Variants in RABGAP1L observed in about 807,000 individuals in gnomAD.
The protein encoded by RABGAP1L is RAB GTPase activating protein 1 like.
Under a neutral mutation model 137.7 loss-of-function variants are expected in RABGAP1L, and 63 were observed. The ratio of observed to expected loss-of-function variants is 0.46; its 90% CI spans 0.37 to 0.56. RABGAP1L has a LOEUF of 0.56. Among genes scored for constraint, RABGAP1L ranks in the 20% least tolerant of loss-of-function variants. The pLI is 0.00. For synonymous variants in RABGAP1L, 431 were observed against 433.7 expected (o/e 0.99, Z 0.08); for missense variants, 1,095 against 1,244.0 (o/e 0.88, Z 1.80).
chr1:174,645,417 T>C (rs1301398449), intron 14 of RABGAP1L, among the ~76,000 whole-genome samples: 1 of 131,660 alleles, frequency 7.6e-6, no homozygotes, highest in Non-Finnish European at 1.6e-5. Flanking sequence ...GGCCCCAGTG[T>C]GTGATGTTCC....
chr1:174,777,604 C>G (rs141672423), intron 18 of RABGAP1L, among the ~76,000 whole-genome samples: 7 of 152,238 alleles, frequency 4.6e-5, no homozygotes, highest in African/African-American at 1.7e-4. Flanking sequence ...TTCGAAATCA[C>G]TCTAGATTTT....
intron 14 of RABGAP1L, 132 bp downstream of exon 14, chr1:174,637,620 T>C (rs1572634625): frequency 4.5e-6 from 3 of 669,138 alleles, no homozygotes. Context: ...GCACACACGC[T>C]ATGAGATCCT....
At chr1:174,790,612 C>T (rs1460451069) in intron 18 of RABGAP1L, among the ~76,000 whole-genome samples, 15 of 134,508 alleles carry the variant, frequency 1.1e-4, no homozygotes, top group African/African-American at 3.3e-4. Context: ...CTAGCCTGGG[C>T]GACAAAAGTG....
intron 13 of RABGAP1L, among the ~76,000 whole-genome samples, chr1:174,408,905 GTGT>G (rs1470988149): frequency 6.6e-6 from 1 of 152,034 alleles, no homozygotes; most frequent in Non-Finnish European, 1.5e-5. Context: ...CTTTTTAATG[GTGT>G]TATTTGTTTT....
chr1:174,223,371 AG>A (rs1411679544), intron 3 of RABGAP1L, among the ~76,000 whole-genome samples: 2 of 138,174 alleles, frequency 1.4e-5, no homozygotes, highest in Non-Finnish European at 3.1e-5. Context: ...TGAACCCAGG[AG>A]GTGGAGGTTG....
At chr1:174,595,780 A>T (rs1669842257) in intron 13 of RABGAP1L, among the ~76,000 whole-genome samples, 1 of 68,010 alleles carries the variant, frequency 1.5e-5, no homozygotes, top group Admixed American at 1.7e-4. Flanking sequence ...GGGACACTTA[A>T]GTCTGCAGAG....
chr1:174,599,052 C>T (rs1157305706), intron 13 of RABGAP1L, among the ~76,000 whole-genome samples: 1 of 147,354 alleles, frequency 6.8e-6, no homozygotes, highest in Non-Finnish European at 1.5e-5. Context: ...TGAAGGTTCT[C>T]CTCTCTGATG....
In RABGAP1L at chr1:174,987,155, A is replaced by T. The variant is rs559413162; in HGVS notation, c.2806-1486A>T. On this transcript the variant is annotated intron_variant, in intron 24 of 25. Transcript: ENST00000681986. ...TTGGCCTGGAATGGCAAGAGCTCAGACATGTCAGAGGAAGAAATTTTTTTT... is the reference window on the plus strand; with the variant it reads ...TTGGCCTGGAATGGCAAGAGCTCAGTCATGTCAGAGGAAGAAATTTTTTTT... 1.6e-4 allele frequency among the ~76,000 whole-genome samples: 25 copies of T among 152,232 alleles called. No individual in the cohort carries two copies. In the South Asian group the frequency reaches 3.1e-3, roughly 19 times the overall value.
chr1:174,366,854 G>A (rs1021699735), intron 11 of RABGAP1L, among the ~76,000 whole-genome samples: 1 of 150,338 alleles, frequency 6.7e-6, no homozygotes, highest in African/African-American at 2.4e-5. Context: ...TTCTGCTCAA[G>A]GAACTAAAGA....
At chr1:174,798,673 A>G (rs1055461010) in intron 18 of RABGAP1L, among the ~76,000 whole-genome samples, 11 of 152,164 alleles carry the variant, frequency 7.2e-5, no homozygotes, top group Non-Finnish European at 1.3e-4. Context: ...CTATTTGGTT[A>G]TTTGTAGATA....
At chr1:174,616,579 T>C (rs1671899086) in intron 13 of RABGAP1L, among the ~76,000 whole-genome samples, 1 of 152,154 alleles carries the variant, frequency 6.6e-6, no homozygotes, top group Admixed American at 6.5e-5. Context: ...TTAATTAAAA[T>C]AGCAGAGTGA....
At chr1:174,969,451 C>T (rs535801171) in intron 21 of RABGAP1L, 64 bp downstream of exon 21, 72 of 1,229,702 alleles carry the variant, frequency 5.9e-5, no homozygotes, top group East Asian at 3.6e-4. Flanking sequence ...CCCTCATCAC[C>T]GCCCCCACAA....
At chr1:174,752,277 G>A (rs1217653173) in intron 17 of RABGAP1L, 36 bp from the exon 18 acceptor site, 26 of 1,449,730 alleles carry the variant, frequency 1.8e-5, no homozygotes, top group Middle Eastern at 1.7e-4. Flanking sequence ...TGATACATGT[G>A]GCAGTACTAA....
chr1:174,777,309 G>A (rs1408679766), intron 18 of RABGAP1L, among the ~76,000 whole-genome samples: 2 of 152,192 alleles, frequency 1.3e-5, no homozygotes, highest in African/African-American at 4.8e-5. Flanking sequence ...TTCTGCAGCA[G>A]TATTTCTCAT....
At chr1:174,724,846 G>A (rs1681858225) in intron 17 of RABGAP1L, among the ~76,000 whole-genome samples, 1 of 152,154 alleles carries the variant, frequency 6.6e-6, no homozygotes, top group South Asian at 2.1e-4. Flanking sequence ...TTCAAGAATG[G>A]TCTCTCTGAG....
At chr1:174,660,225 C>T (rs1272882836) in intron 14 of RABGAP1L, among the ~76,000 whole-genome samples, 2 of 152,112 alleles carry the variant, frequency 1.3e-5, no homozygotes, top group African/African-American at 4.8e-5. Flanking sequence ...CCATATGACA[C>T]ACACTTAAGC....
chr1:174,723,590 G>A (rs1233891427), intron 17 of RABGAP1L, among the ~76,000 whole-genome samples: 3 of 152,098 alleles, frequency 2.0e-5, no homozygotes, highest in East Asian at 1.9e-4. Context: ...ATGTCTTTTC[G>A]ACACATGTAT....
intron 8 of RABGAP1L, 147 bp from the exon 9 acceptor site, chr1:174,275,686 G>A: frequency 2.1e-6 from 1 of 476,818 alleles, no homozygotes; most frequent in Non-Finnish European, 3.7e-6. Flanking sequence ...GCTTTTGTAG[G>A]ATGAAAAGAA....
intron 18 of RABGAP1L, among the ~76,000 whole-genome samples, chr1:174,804,910 T>C (rs2148835108): frequency 6.6e-6 from 1 of 152,322 alleles, no homozygotes; most frequent in East Asian, 1.9e-4. Context: ...GAGGAGAATA[T>C]GTCTTCCCTT....
Sources: allele counts gnomAD v4.1 joint callset (sites outside exome capture counted in the v4.1 genomes callset), GRCh38; gene constraint gnomAD v4.1.1; transcripts MANE v1.5; gene names NCBI Gene and HGNC (gene_info 2026-07-23, HGNC 2026-07-21).